Variants in LRPPRC observed in about 807,000 individuals in gnomAD.
LRPPRC encodes the protein leucine-rich PPR motif-containing protein, mitochondrial.
A neutral mutation model predicts 180.3 loss-of-function variants in LRPPRC; 120 were observed. That is an observed-to-expected ratio of 0.67 (90% CI 0.57 to 0.77). LRPPRC has a LOEUF of 0.77. Among genes scored for constraint, LRPPRC ranks in the 30% least tolerant of loss-of-function variants. The pLI is 0.00. For synonymous variants in LRPPRC, 723 were observed against 600.0 expected (o/e 1.21, Z -3.00); for missense variants, 2,012 against 1,657.2 (o/e 1.21, Z -3.72).
intron 30 of LRPPRC, among the ~76,000 whole-genome samples, chr2:43,910,818 A>T (rs80293432): frequency 0.015 from 2,332 of 152,238 alleles, 59 homozygotes; most frequent in African/African-American, 0.053. Context: ...TGAAAATGAA[A>T]AAATAAATAA....
chr2:43,903,276 C>T (rs1257228163), intron 31 of LRPPRC: 2 of 152,290 alleles, frequency 1.3e-5, no homozygotes, highest in African/African-American at 4.8e-5. Context: ...CTAATTCCAA[C>T]ATTTACTCAA....
intron 27 of LRPPRC, among the ~76,000 whole-genome samples, chr2:43,921,319 A>G (rs988635775): frequency 2.6e-5 from 4 of 152,122 alleles, no homozygotes; most frequent in Non-Finnish European, 5.9e-5. Flanking sequence ...ACACAAATAC[A>G]TGTTAAGAAC....
rs200017171 is a variant in LRPPRC, at chr2:43,947,767, G to A, written c.1929C>T (p.His643=). 1.7e-4 allele frequency: 274 copies of A among 1,587,452 alleles called. No individual in the cohort carries two copies. Among genetic ancestry groups the A allele is most frequent in the Middle Eastern group, 1.2e-3 (7 of 5,998 alleles). The part of the protein sequence containing the change: ...YHVPELIKDA[H]LLVESKNLDF... ...CTAAATTCTTACTCTCAACCAACAA[G>A]TGAGCATCCTAAAATTGAAATTTAA... Residue 643 remains histidine, a synonymous_variant, in exon 19 of 38, where the codon CAC becomes CAT. Transcript: ENST00000260665.
intron 31 of LRPPRC, chr2:43,903,205 C>T (rs1328139626): frequency 6.6e-6 from 1 of 152,190 alleles, no homozygotes; most frequent in Non-Finnish European, 1.5e-5. Flanking sequence ...TTAATGACTT[C>T]AGGGACACCA....
chr2:43,948,242 A>G (rs762174129), intron 17 of LRPPRC, 43 bp from the exon 18 acceptor site: 11 of 1,101,692 alleles, frequency 1.0e-5, no homozygotes, highest in Non-Finnish European at 1.5e-5. Context: ...TGAGTTTTAG[A>G]CAACCAAACT....
intron 31 of LRPPRC, among the ~76,000 whole-genome samples, chr2:43,905,188 A>G (rs1011204601): frequency 6.6e-6 from 1 of 152,230 alleles, no homozygotes; most frequent in African/African-American, 2.4e-5. Flanking sequence ...GTATTAGATT[A>G]AGTTTTAAAA....
At chr2:43,895,365 C>T (rs1670641743) in intron 35 of LRPPRC, among the ~76,000 whole-genome samples, 1 of 152,172 alleles carries the variant, frequency 6.6e-6, no homozygotes, top group African/African-American at 2.4e-5. Flanking sequence ...AGTCAATCCA[C>T]ACCTGGACCT....
intron 12 of LRPPRC, among the ~76,000 whole-genome samples, chr2:43,961,037 A>G (rs192360927): frequency 6.6e-6 from 1 of 152,318 alleles, no homozygotes; most frequent in Non-Finnish European, 1.5e-5. Context: ...TTTGTTTAAC[A>G]ATTTAAATAT....
chr2:43,902,627 A>T (rs1670927854), intron 31 of LRPPRC: 1 of 152,214 alleles, frequency 6.6e-6, no homozygotes, highest in Non-Finnish European at 1.5e-5. Context: ...ATGAGAAAAA[A>T]GAAAAACAGG....
chr2:43,988,821 G>C (rs1190452291), intron 1 of LRPPRC, among the ~76,000 whole-genome samples: 1 of 152,064 alleles, frequency 6.6e-6, no homozygotes, highest in Non-Finnish European at 1.5e-5. Context: ...GGGATTACAG[G>C]CATGAGCCAC....
chr2:43,957,577 AT>A (rs1673173476), intron 13 of LRPPRC, 126 bp from the exon 14 acceptor site: 2 of 732,050 alleles, frequency 2.7e-6, no homozygotes. Flanking sequence ...TATTTAAAAA[AT>A]AAAAATGTTT....
chr2:43,912,316 T>C (rs1184680854), intron 30 of LRPPRC, 116 bp downstream of exon 30: 1 of 868,214 alleles, frequency 1.2e-6, no homozygotes, highest in Admixed American at 2.1e-5. Flanking sequence ...TTTTTATGGG[T>C]AGCTGAGGCC....
At chr2:43,934,377 T>C (rs529232271) in intron 24 of LRPPRC, 81 bp from the exon 25 acceptor site, 6 of 689,866 alleles carry the variant, frequency 8.7e-6, no homozygotes, top group African/African-American at 3.7e-5. Flanking sequence ...TCCAGACAAA[T>C]ACAAGAAAAA....
chr2:43,945,457 A>G (rs1558986016), intron 21 of LRPPRC, 40 bp from the exon 22 acceptor site: 14 of 1,133,312 alleles, frequency 1.2e-5, no homozygotes, highest in Non-Finnish European at 1.9e-5. Context: ...TTAAAAGTCA[A>G]TTAACTGCTA....
rs1235924808 is a variant in LRPPRC at position 43,995,969 on chromosome 2, G to A, written c.-22C>T. 3 of 1,523,854 alleles carry A rather than the reference G, an allele frequency of 2.0e-6. No individual in the cohort carries two copies. Among genetic ancestry groups the A allele is most frequent in the East Asian group, 2.5e-5 (1 of 39,270 alleles). 94.4% of individuals were successfully genotyped at this position (1,523,854 alleles called of 1,614,324 possible). A position where few individuals can be genotyped will look rare whatever the true frequency, so the allele number is the denominator to read the frequency against. The stretch of plus-strand genomic sequence containing the variant: ...CCATTGCTCGAACGTCCCCGCAGCG[G>A]GAAGCACGCTCCGCCAGAAGGACAG... On this transcript the variant is annotated 5_prime_UTR_variant, in exon 1 of 38. Coordinates refer to ENST00000260665, the MANE Select transcript of LRPPRC (RefSeq NM_133259.4).
rs888873742 is a variant in LRPPRC, at chr2:43,886,312, A to G, written c.*2288T>C. 1.3e-5 allele frequency among the ~76,000 whole-genome samples: 2 copies of G among 152,214 alleles called. No individual in the cohort carries two copies. Among genetic ancestry groups the G allele is most frequent in the South Asian group, 2.1e-4 (1 of 4,832 alleles). On this transcript the variant is annotated 3_prime_UTR_variant, in exon 38 of 38. Transcript: ENST00000260665. ...AACATATAATTATATATAAAATACT[A>G]TAGTTCTCAATAGTTTACAGTGACA...
intron 19 of LRPPRC, 105 bp downstream of exon 19, chr2:43,947,623 CAAG>C: frequency 1.3e-6 from 1 of 775,506 alleles, no homozygotes; most frequent in Non-Finnish European, 2.3e-6. Context: ...TAGAGGTATA[CAAG>C]ATGATAAAAA....
chr2:43,911,029 A>G (rs947226780), intron 30 of LRPPRC, among the ~76,000 whole-genome samples: 4 of 151,700 alleles, frequency 2.6e-5, no homozygotes, highest in Non-Finnish European at 5.9e-5. Flanking sequence ...GAGTTTCATA[A>G]TTTTCTGAGA....
Position 43,956,964 on chromosome 2 carries a change from C to CTTTATGTTTATCTTTCAGCTTT in LRPPRC, c.1649+420_1649+421insAAAGCTGAAAGATAAACATAAA, listed in dbSNP as rs576437885. On this transcript the variant is annotated intron_variant, in intron 14 of 37. Transcript: ENST00000260665. ...CTATTCTTTCAGCTTTTATGTTTAT[C>CTTTATGTTTATCTTTCAGCTTT]TATTTTCAAAATAACAAAATTGGAA... 5.3e-4 allele frequency among the ~76,000 whole-genome samples: 80 copies of CTTTATGTTTATCTTTCAGCTTT among 152,260 alleles called. 1 individual carries two copies. The East Asian group carries it at 0.015, about 28-fold the overall frequency.
Sources: allele counts gnomAD v4.1 joint callset (sites outside exome capture counted in the v4.1 genomes callset), GRCh38; gene constraint gnomAD v4.1.1; transcripts MANE v1.5; gene names NCBI Gene and HGNC (gene_info 2026-07-23, HGNC 2026-07-21).